Variants in ZCCHC2 observed in about 807,000 individuals in gnomAD.
The protein encoded by ZCCHC2 is zinc finger CCHC-type containing 2, also known as zinc finger CCHC domain-containing protein 2.
ZCCHC2 carries 39 observed loss-of-function variants against 103.6 expected under a neutral mutation model. The ratio of observed to expected loss-of-function variants is 0.38; its 90% confidence interval spans 0.29 to 0.49. The LOEUF (loss-of-function observed/expected upper bound fraction) is 0.49, where lower values mean the gene tolerates loss of function less well. ZCCHC2 is among the 20% of genes least tolerant of loss of function. The probability of loss-of-function intolerance (pLI) is 0.96; values close to 1 mark genes in which losing one functional copy is unlikely to be tolerated. For missense variants in ZCCHC2, 1,483 were observed against 1,491.0 expected, an observed-to-expected ratio of 0.99 and a Z score of 0.09; for synonymous variants, 687 against 608.9, an observed-to-expected ratio of 1.13 and a Z score of -1.89.
intron 2 of ZCCHC2, among the ~76,000 whole-genome samples, chr18:62,540,457 A>G (rs1915122959): frequency 6.6e-6 from 1 of 150,384 alleles, no homozygotes; most frequent in African/African-American, 2.5e-5. Context: ...TTTTACCAGT[A>G]ATAATCCTTT....
intron 1 of ZCCHC2, chr18:62,524,660 G>T: frequency 2.4e-6 from 1 of 416,516 alleles, no homozygotes; most frequent in Admixed American, 4.4e-5. Context: ...CCCGCCCGGG[G>T]CCCCTCTCGG....
intron 1 of ZCCHC2, among the ~76,000 whole-genome samples, chr18:62,526,575 C>G (rs1914406488): frequency 6.6e-6 from 1 of 152,142 alleles, no homozygotes; most frequent in South Asian, 2.1e-4. Context: ...TGAGTTAAGC[C>G]CTCATTCGCT....
rs1199003511 is a variant in ZCCHC2, at chr18:62,577,518, T to TTACA, written c.*940_*943dup. ...ATTTCTTCTTTCCCTGTACCAGCTG[T>TTACA]TACAGTGTTACGTTGTGTTTAAAAT... On this transcript the variant is annotated 3_prime_UTR_variant, in exon 14 of 14. Transcript: ENST00000269499. The TTACA allele has an allele frequency of 1.3e-5, 2 of 152,610 alleles. No homozygotes were observed. The highest frequency in any genetic ancestry group is 2.9e-5 in the Non-Finnish European group (2 of 68,052). The allele number at this position is 152,610 out of a possible 1,614,324, so 9.5% of individuals were successfully genotyped here.
chr18:62,542,700 C>G, intron 3 of ZCCHC2, 126 bp downstream of exon 3: 1 of 813,968 alleles, frequency 1.2e-6, no homozygotes. Context: ...AGAGAATGTA[C>G]TGTTTTTTAT....
intron 1 of ZCCHC2, chr18:62,525,974 C>T (rs996487906): frequency 6.6e-6 from 1 of 152,154 alleles, no homozygotes; most frequent in Non-Finnish European, 1.5e-5. Context: ...CCTTAAATTG[C>T]AGGTCTAAAG....
intron 1 of ZCCHC2, among the ~76,000 whole-genome samples, chr18:62,537,402 C>A: frequency 6.6e-6 from 1 of 152,168 alleles, no homozygotes; most frequent in Non-Finnish European, 1.5e-5. Flanking sequence ...AAATACTTGC[C>A]TTATGTGATC....
chr18:62,533,983 G>C (rs867737970), intron 1 of ZCCHC2, among the ~76,000 whole-genome samples: 22 of 152,056 alleles, frequency 1.4e-4, no homozygotes, highest in African/African-American at 5.3e-4. Flanking sequence ...TATAGGATAG[G>C]TACAGTTATT....
downstream of ZCCHC2, among the ~76,000 whole-genome samples, chr18:62,578,817 A>T (rs1342793578): frequency 6.6e-6 from 1 of 152,146 alleles, no homozygotes; most frequent in Non-Finnish European, 1.5e-5. Context: ...CCCAGGTTGG[A>T]GTGCAGTGGC....
At chr18:62,553,486 C>T (rs191069985) in intron 5 of ZCCHC2, among the ~76,000 whole-genome samples, 1 of 151,642 alleles carries the variant, frequency 6.6e-6, no homozygotes, top group East Asian at 1.9e-4. Flanking sequence ...GAGACAGGAC[C>T]TCGCTCTGTT....
rs1447614239 is a variant in ZCCHC2, at chr18:62,556,273, T to C, written c.1384T>C (p.Ser462Pro). The change falls in exon 6 of 14, where the codon TCA becomes CCA. Residue 462 changes from serine to proline, a missense_variant. Transcript: ENST00000269499. ...QKVHSFFQSI[S>P]SDSLHSINNL... is the part of the protein sequence containing the mutation. ...AGTACACAGCTTCTTTCAGTCCATA[T>C]CATCAGACTCCCTACACAGTATCAG... 6.2e-7 allele frequency: 1 copy of C among 1,604,652 alleles called. No homozygotes were observed. Among genetic ancestry groups the C allele is most frequent in the Non-Finnish European group, 8.5e-7 (1 of 1,175,250 alleles).
chr18:62,576,373 G>A (rs1916841615), intron 13 of ZCCHC2, 139 bp from the exon 14 acceptor site: 1 of 632,652 alleles, frequency 1.6e-6, no homozygotes, highest in Non-Finnish European at 2.9e-6. Context: ...TTTAAAGTGA[G>A]CGGATTGGCC....
intron 1 of ZCCHC2, 159 bp downstream of exon 1, chr18:62,524,522 C>T: frequency 8.3e-7 from 1 of 1,200,742 alleles, no homozygotes; most frequent in South Asian, 1.8e-5. Context: ...TGAGCTTCGT[C>T]TCGCTGGGCC....
At chr18:62,524,635 G>A in intron 1 of ZCCHC2, 1 of 444,318 alleles carries the variant, frequency 2.3e-6, no homozygotes, top group Non-Finnish European at 3.8e-6. Flanking sequence ...TGTTGCCACG[G>A]AAGACGTGGA....
intron 1 of ZCCHC2, among the ~76,000 whole-genome samples, chr18:62,538,387 T>C (rs188719062): frequency 6.6e-6 from 1 of 152,300 alleles, no homozygotes; most frequent in East Asian, 1.9e-4. Flanking sequence ...TACAGCAATA[T>C]TAAAATTTTT....
At chr18:62,543,209 C>T (rs1426917635) in intron 3 of ZCCHC2, among the ~76,000 whole-genome samples, 2 of 152,186 alleles carry the variant, frequency 1.3e-5, no homozygotes, top group African/African-American at 4.8e-5. Flanking sequence ...TGTGAATCCT[C>T]ACTTCAGTTC....
intron 3 of ZCCHC2, among the ~76,000 whole-genome samples, chr18:62,544,202 T>A (rs1915317071): frequency 1.3e-5 from 2 of 152,224 alleles, no homozygotes; most frequent in Non-Finnish European, 2.9e-5. Context: ...TCTTGCAACC[T>A]ACTTAGAGTC....
intron 5 of ZCCHC2, among the ~76,000 whole-genome samples, chr18:62,555,177 G>A (rs1286629678): frequency 3.3e-5 from 5 of 152,152 alleles, no homozygotes; most frequent in African/African-American, 7.2e-5. Context: ...TCTTATAAGC[G>A]ACTGAACTGG....
intron 1 of ZCCHC2, 163 bp from the exon 2 acceptor site, chr18:62,539,518 G>T: frequency 1.9e-6 from 1 of 526,418 alleles, no homozygotes; most frequent in East Asian, 3.2e-5. Flanking sequence ...TCTTCTGCTT[G>T]CGGCTCTCAC....
intron 11 of ZCCHC2, among the ~76,000 whole-genome samples, chr18:62,567,944 CAAAA>C (rs71888422): frequency 3.7e-5 from 3 of 81,438 alleles, no homozygotes; most frequent in East Asian, 5.4e-4. Flanking sequence ...GACTCTGTCT[CAAAA>C]AAAAAAAAAA....
Sources: allele counts gnomAD v4.1 joint callset (sites outside exome capture counted in the v4.1 genomes callset), GRCh38; gene constraint gnomAD v4.1.1; transcripts MANE v1.5; gene names NCBI Gene and HGNC (gene_info 2026-07-23, HGNC 2026-07-21).